GLP2R: variants seen among roughly 807,000 people sequenced by gnomAD.
The protein encoded by GLP2R is glucagon like peptide 2 receptor, also known as glucagon-like peptide 2 receptor.
GLP2R carries 59 observed loss-of-function variants against 68.2 expected under a neutral mutation model. The ratio of observed to expected loss-of-function variants is 0.87; its 90% CI spans 0.70 to 1.07. The LOEUF is 1.07. Ranked by LOEUF, GLP2R falls within the 50% of genes least tolerant of loss-of-function variation. The probability of loss-of-function intolerance (pLI) is 0.00; values close to 1 mark genes in which losing one functional copy is unlikely to be tolerated. For missense variants in GLP2R, 548 were observed against 677.4 expected, an observed-to-expected ratio of 0.81 and a Z score of 2.12; for synonymous variants, 270 against 265.4, an observed-to-expected ratio of 1.02 and a Z score of -0.17.
At chr17:9,832,601 T>C (rs992530055) in intron 1 of GLP2R, among the ~76,000 whole-genome samples, 2 of 151,980 alleles carry the variant, frequency 1.3e-5, no homozygotes, top group East Asian at 3.9e-4. Flanking sequence ...CATGGGGGCA[T>C]GTGCCTGTAG....
intron 4 of GLP2R, among the ~76,000 whole-genome samples, chr17:9,845,988 C>T (rs1357109): frequency 0.26 from 39,671 of 151,980 alleles, 6,904 homozygotes; most frequent in Non-Finnish European, 0.39. Context: ...ATGCTTTAGA[C>T]ATTTAAACTA....
chr17:9,885,666 A>C (rs2067238012), intron 11 of GLP2R, among the ~76,000 whole-genome samples: 1 of 151,924 alleles, frequency 6.6e-6, no homozygotes. Flanking sequence ...AAGATGGAGG[A>C]AGTAGAAACT....
At chr17:9,843,955 G>C (rs923501638) in intron 4 of GLP2R, among the ~76,000 whole-genome samples, 1 of 152,194 alleles carries the variant, frequency 6.6e-6, no homozygotes, top group African/African-American at 2.4e-5. Context: ...CAGTGTGATC[G>C]TTGCTGGGAG....
chr17:9,839,810 C>T (rs77044028), intron 3 of GLP2R, among the ~76,000 whole-genome samples: 6,784 of 152,186 alleles, frequency 0.045, 239 homozygotes, highest in African/African-American at 0.091. Flanking sequence ...GCTCTTGCCA[C>T]TCAGTACCTT....
At chr17:9,857,162 C>T (rs574969059) in intron 5 of GLP2R, among the ~76,000 whole-genome samples, 12 of 152,212 alleles carry the variant, frequency 7.9e-5, no homozygotes, top group Admixed American at 3.9e-4. Flanking sequence ...CGTCATGATC[C>T]GCCTGTCTCG....
At chr17:9,878,801 A>G (rs2152047293) in intron 10 of GLP2R, among the ~76,000 whole-genome samples, 1 of 152,314 alleles carries the variant, frequency 6.6e-6, no homozygotes, top group East Asian at 1.9e-4. Context: ...TTGTTCTCGT[A>G]CAGAGTTAAA....
intron 11 of GLP2R, among the ~76,000 whole-genome samples, chr17:9,882,939 C>A (rs60707185): frequency 0.062 from 9,023 of 145,130 alleles, 908 homozygotes; most frequent in African/African-American, 0.21. Context: ...CCAGTTTTTT[C>A]CAAAAATATG....
chr17:9,867,568 C>T (rs1020218928), intron 9 of GLP2R, among the ~76,000 whole-genome samples: 2 of 152,156 alleles, frequency 1.3e-5, no homozygotes, highest in South Asian at 2.1e-4. Context: ...TGAATCATCT[C>T]GGAAACTGGC....
intron 1 of GLP2R, among the ~76,000 whole-genome samples, chr17:9,830,955 T>C (rs1291733538): frequency 6.6e-6 from 1 of 152,216 alleles, no homozygotes; most frequent in Non-Finnish European, 1.5e-5. Context: ...ATTTATTAAG[T>C]TGTTTGGACT....
chr17:9,861,516 C>T (rs2066987353), intron 8 of GLP2R, among the ~76,000 whole-genome samples: 1 of 152,008 alleles, frequency 6.6e-6, no homozygotes, highest in African/African-American at 2.4e-5. Flanking sequence ...ACTAAACAAA[C>T]AAAAAACCAC....
chr17:9,875,357 T>C (rs2067134174), intron 10 of GLP2R, among the ~76,000 whole-genome samples: 1 of 152,232 alleles, frequency 6.6e-6, no homozygotes. Flanking sequence ...TAAAGACTTC[T>C]GATGGGATAA....
intron 2 of GLP2R, among the ~76,000 whole-genome samples, chr17:9,836,039 C>CAAAAAA (rs10706067): frequency 5.7e-5 from 5 of 87,174 alleles, no homozygotes; most frequent in Non-Finnish European, 8.8e-5. Flanking sequence ...ACTCCATCTC[C>CAAAAAA]AAAAAAAAAA....
chr17:9,835,379 C>A (rs1026047932), intron 2 of GLP2R, among the ~76,000 whole-genome samples: 2 of 152,112 alleles, frequency 1.3e-5, no homozygotes, highest in African/African-American at 4.8e-5. Context: ...GTCTGAAATA[C>A]TTCCATTTGA....
At chr17:9,853,985 T>A (rs1433214306) in intron 4 of GLP2R, among the ~76,000 whole-genome samples, 1 of 152,200 alleles carries the variant, frequency 6.6e-6, no homozygotes, top group Non-Finnish European at 1.5e-5. Context: ...TTATCCTGTG[T>A]TCACAATCAG....
intron 11 of GLP2R, among the ~76,000 whole-genome samples, chr17:9,885,171 T>TATA (rs2067232087): frequency 6.7e-6 from 1 of 148,390 alleles, no homozygotes; most frequent in South Asian, 2.1e-4. Flanking sequence ...TTATTATTAT[T>TATA]ATTATTATTA....
chr17:9,853,501 G>C (rs2066910474), intron 4 of GLP2R, among the ~76,000 whole-genome samples: 1 of 152,192 alleles, frequency 6.6e-6, no homozygotes, highest in Non-Finnish European at 1.5e-5. Context: ...GAGAAAGTGA[G>C]AGAGAGGTCA....
At chr17:9,844,923 T>C (rs1457867400) in intron 4 of GLP2R, among the ~76,000 whole-genome samples, 6 of 151,614 alleles carry the variant, frequency 4.0e-5, no homozygotes, top group Non-Finnish European at 8.8e-5. Context: ...ACTCCTGACC[T>C]CAGGTGATCC....
chr17:9,847,796 C>T (rs1047522805), intron 4 of GLP2R, among the ~76,000 whole-genome samples: 3 of 152,160 alleles, frequency 2.0e-5, no homozygotes, highest in Admixed American at 6.5e-5. Context: ...CCATCTGGTT[C>T]GGGCTCTGTT....
intron 7 of GLP2R, 69 bp from the exon 8 acceptor site, chr17:9,861,070 G>T (rs377076734): frequency 2.8e-6 from 3 of 1,064,644 alleles, no homozygotes; most frequent in African/African-American, 1.6e-5. Flanking sequence ...AGCCTCATCC[G>T]CTGTGGTGGG....
Sources: allele counts gnomAD v4.1 joint callset (sites outside exome capture counted in the v4.1 genomes callset), GRCh38; gene constraint gnomAD v4.1.1; transcripts MANE v1.5; gene names NCBI Gene and HGNC (gene_info 2026-07-23, HGNC 2026-07-21).